KLHL1: variants seen among roughly 807,000 people sequenced by gnomAD.
KLHL1 encodes kelch-like protein 1.
In KLHL1, 47 loss-of-function variants were observed where a neutral mutation model predicts 77.7. The observed-to-expected ratio is 0.60, with a 90% CI of 0.48 to 0.77. The LOEUF (loss-of-function observed/expected upper bound fraction) is 0.77. KLHL1 is among the 30% of genes least tolerant of loss of function. KLHL1 has a pLI of 0.00. For synonymous variants in KLHL1, 360 were observed against 325.2 expected (o/e 1.11, Z -1.15); for missense variants, 925 against 910.8 (o/e 1.02, Z -0.20).
intron 4 of KLHL1, among the ~76,000 whole-genome samples, chr13:69,907,506 T>A (rs1377372898): frequency 6.6e-6 from 1 of 152,008 alleles, no homozygotes; most frequent in Non-Finnish European, 1.5e-5. Context: ...AAATTTAGAT[T>A]ATGAATAGCT....
chr13:69,948,094 T>TA (rs565356909), intron 3 of KLHL1, among the ~76,000 whole-genome samples: 3 of 151,394 alleles, frequency 2.0e-5, no homozygotes, highest in South Asian at 2.1e-4. Flanking sequence ...GAGATTGTTT[T>TA]CAAAAAAAAA....
At chr13:69,961,624 C>T (rs1348240284) in intron 2 of KLHL1, among the ~76,000 whole-genome samples, 180 bp from the exon 3 acceptor site, 2 of 152,048 alleles carry the variant, frequency 1.3e-5, no homozygotes, top group Non-Finnish European at 2.9e-5. Context: ...CCTAACTTTT[C>T]GTAATAGAGC....
intron 1 of KLHL1, among the ~76,000 whole-genome samples, chr13:70,010,810 A>G (rs577700926): frequency 1.3e-5 from 2 of 151,814 alleles, no homozygotes; most frequent in Admixed American, 6.6e-5. Flanking sequence ...GAGAATTGCT[A>G]GAACCCAAGA....
rs892980991 is a variant in KLHL1 at position 70,055,880 on chromosome 13, A to C, written c.497+51323T>G. 1.1e-4 allele frequency among the ~76,000 whole-genome samples: 16 copies of C among 152,086 alleles called. 1 individual carries two copies. The highest frequency in any genetic ancestry group is 6.6e-5 in the Admixed American group (1 of 15,266). ...ACTACCAGATAAAAATCACTTTCAG[A>C]AAAAGGAAGACAGAAAGAAAGGGGG... On this transcript the variant is annotated intron_variant, in intron 1 of 10. Coordinates refer to ENST00000377844, the MANE Select transcript of KLHL1 (RefSeq NM_020866.3).
At chr13:69,975,536 C>T (rs1364741980) in intron 2 of KLHL1, 84 bp downstream of exon 2, 4 of 1,127,068 alleles carry the variant, frequency 3.5e-6, no homozygotes, top group African/African-American at 1.6e-5. Context: ...TTTCTGTAGT[C>T]ATATAATATT....
chr13:69,902,767 A>T (rs1300949183), intron 4 of KLHL1, among the ~76,000 whole-genome samples: 1 of 75,782 alleles, frequency 1.3e-5, no homozygotes, highest in Non-Finnish European at 2.6e-5. Flanking sequence ...GGGTTGGGGG[A>T]GGGGGGAGGG....
intron 1 of KLHL1, among the ~76,000 whole-genome samples, chr13:70,010,905 T>A (rs921216284): frequency 9.6e-6 from 1 of 103,648 alleles, no homozygotes; most frequent in Non-Finnish European, 2.0e-5. Context: ...AAAAAAATAA[T>A]AATAATAATA....
intron 1 of KLHL1, among the ~76,000 whole-genome samples, chr13:70,072,868 C>T (rs1267282566): frequency 1.3e-5 from 2 of 151,956 alleles, no homozygotes; most frequent in Admixed American, 6.6e-5. Context: ...GTGTGAGAAA[C>T]TAGATGCTTT....
At chr13:69,774,777 TTCTGAGGAAA>T (rs1875747046) in intron 7 of KLHL1, among the ~76,000 whole-genome samples, 2 of 152,172 alleles carry the variant, frequency 1.3e-5, no homozygotes, top group Admixed American at 6.5e-5. Context: ...AATCTGTTGC[TTCTGAGGAAA>T]TCATTGAACT....
At chr13:69,979,922 T>G (rs1884659251) in intron 1 of KLHL1, among the ~76,000 whole-genome samples, 1 of 152,212 alleles carries the variant, frequency 6.6e-6, no homozygotes, top group Non-Finnish European at 1.5e-5. Flanking sequence ...TCTTCACATC[T>G]TAACTTCAGT....
At chr13:69,721,031 C>T (rs1224527366) in intron 8 of KLHL1, among the ~76,000 whole-genome samples, 2 of 54,340 alleles carry the variant, frequency 3.7e-5, no homozygotes, top group Non-Finnish European at 8.4e-5. Flanking sequence ...AACCTGCCTC[C>T]CATTCTATTC....
intron 4 of KLHL1, among the ~76,000 whole-genome samples, chr13:69,923,904 G>C (rs1882724783): frequency 6.6e-6 from 1 of 152,152 alleles, no homozygotes. Flanking sequence ...TTGGGGGCCT[G>C]GGAAGCCCCA....
chr13:69,956,017 GATATATATTTATATATATTT>G lies in KLHL1; in HGVS notation c.817+5271_817+5290del, dbSNP rs1205620033. 6.9e-5 allele frequency among the ~76,000 whole-genome samples: 6 copies of G among 86,392 alleles called. 1 individual carries two copies. Among genetic ancestry groups the G allele is most frequent in the Middle Eastern group, 0.013 (2 of 160 alleles). The allele number at this position is 86,392 out of a possible 152,430, so 56.7% of individuals were successfully genotyped here. Reference sequence around the variant, plus strand: ...ATTTGATATATATTTATATATATTTGATATATATTTATATATATTTATATATATTTGATATATATATTTAT... The same window carrying G: ...ATTTGATATATATTTATATATATTTGATATATATTTGATATATATATTTAT... On this transcript the variant is annotated intron_variant, in intron 3 of 10. Coordinates refer to ENST00000377844, the MANE Select transcript of KLHL1 (RefSeq NM_020866.3).
chr13:69,849,050 G>T (rs1879581477), intron 5 of KLHL1, among the ~76,000 whole-genome samples: 1 of 151,468 alleles, frequency 6.6e-6, no homozygotes, highest in African/African-American at 2.4e-5. Flanking sequence ...CATCCTTAAT[G>T]ATTTAATTGC....
intron 5 of KLHL1, among the ~76,000 whole-genome samples, chr13:69,858,540 T>A (rs1880011903): frequency 6.6e-6 from 1 of 152,112 alleles, no homozygotes; most frequent in South Asian, 2.1e-4. Flanking sequence ...ATTTAATTAG[T>A]TGTTGAAATG....
At chr13:70,084,036 T>C (rs2137433237) in intron 1 of KLHL1, among the ~76,000 whole-genome samples, 1 of 152,288 alleles carries the variant, frequency 6.6e-6, no homozygotes, top group East Asian at 1.9e-4. Context: ...GATAACAACA[T>C]GTGCTTTATG....
intron 6 of KLHL1, among the ~76,000 whole-genome samples, chr13:69,827,881 AG>A (rs1593866815): frequency 1.3e-5 from 2 of 150,986 alleles, no homozygotes; most frequent in Non-Finnish European, 2.9e-5. Flanking sequence ...AAACTAAAAA[AG>A]TTTCTTAATC....
At chr13:70,058,398 G>A (rs900440091) in intron 1 of KLHL1, among the ~76,000 whole-genome samples, 5 of 152,214 alleles carry the variant, frequency 3.3e-5, no homozygotes, top group African/African-American at 4.8e-5. Flanking sequence ...TACAAAATCA[G>A]CATACAAAAA....
At chr13:70,063,691 G>A (rs1458952337) in intron 1 of KLHL1, among the ~76,000 whole-genome samples, 1 of 151,644 alleles carries the variant, frequency 6.6e-6, no homozygotes, top group Non-Finnish European at 1.5e-5. Context: ...AAAAAATCAG[G>A]GTAATATTGA....
Sources: gnomAD v4.1 joint callset for allele counts (sites outside exome capture counted in the v4.1 genomes callset) on GRCh38, gnomAD v4.1.1 for gene constraint, MANE v1.5 for transcripts, NCBI Gene and HGNC (gene_info 2026-07-23, HGNC 2026-07-21) for gene names.